Variants in TMEM132C observed in about 807,000 individuals in gnomAD.
TMEM132C encodes protein phosphatase 1, regulatory subunit 152.
Under a neutral mutation model 61.4 loss-of-function variants are expected in TMEM132C, and 29 were observed. The observed-to-expected ratio is 0.47, with a 90% CI of 0.35 to 0.64. The LOEUF (loss-of-function observed/expected upper bound fraction) is 0.64, where lower values mean the gene tolerates loss of function less well. TMEM132C is among the 30% of genes least tolerant of loss of function. TMEM132C has a pLI of 0.00. For synonymous variants in TMEM132C, 656 were observed against 633.1 expected, an observed-to-expected ratio of 1.04 and a Z score of -0.54; for missense variants, 1,408 against 1,476.9, an observed-to-expected ratio of 0.95 and a Z score of 0.76.
At chr12:128,484,390 A>C (rs549493788) in intron 2 of TMEM132C, among the ~76,000 whole-genome samples, 1 of 152,308 alleles carries the variant, frequency 6.6e-6, no homozygotes, top group Admixed American at 6.5e-5. Flanking sequence ...GGTGTCCAGC[A>C]GGCACTGTGG....
intron 2 of TMEM132C, among the ~76,000 whole-genome samples, chr12:128,513,413 G>T (rs1218931977): frequency 1.3e-5 from 2 of 152,190 alleles, no homozygotes; most frequent in East Asian, 1.9e-4. Context: ...CTCTAACACA[G>T]AAACCAGTCT....
intron 2 of TMEM132C, among the ~76,000 whole-genome samples, chr12:128,446,537 C>T (rs531192743): frequency 1.3e-5 from 2 of 152,344 alleles, no homozygotes; most frequent in East Asian, 3.9e-4. Flanking sequence ...TTCTCCATCT[C>T]AGTTCTTTAA....
In TMEM132C at chr12:128,622,343, CAAAAAAA is replaced by C. The variant is rs71069584; in HGVS notation, c.1305+6020_1305+6026del. On this transcript the variant is annotated intron_variant, in intron 4 of 8. Transcript: ENST00000435159. ...TGGGTGACAGAGTGAGACTTTGTCT[CAAAAAAA>C]AAAAAAAAAAATATATATATATATA... is the stretch of plus-strand genomic sequence containing the variant. Among the ~76,000 whole-genome samples, 7 of 16,104 alleles carry C rather than the reference CAAAAAAA, an allele frequency of 4.3e-4. No individual in the cohort carries two copies. The East Asian group carries it at 8.9e-3, about 20-fold the overall frequency. 10.6% of individuals were successfully genotyped at this position (16,104 alleles called of 152,430 possible).
At chr12:128,485,906 C>T (rs139143356) in intron 2 of TMEM132C, among the ~76,000 whole-genome samples, 1 of 152,108 alleles carries the variant, frequency 6.6e-6, no homozygotes, top group Non-Finnish European at 1.5e-5. Flanking sequence ...TCCACTTTTC[C>T]TTTTGCGGCA....
At chr12:128,353,470 A>C (rs1367872041) in intron 1 of TMEM132C, among the ~76,000 whole-genome samples, 10 of 152,212 alleles carry the variant, frequency 6.6e-5, no homozygotes, top group Admixed American at 6.5e-4. Context: ...ATGCAGTGGC[A>C]GCATTCACAA....
chr12:128,371,344 A>G (rs1169907156), intron 1 of TMEM132C, among the ~76,000 whole-genome samples: 1 of 152,188 alleles, frequency 6.6e-6, no homozygotes, highest in East Asian at 1.9e-4. Flanking sequence ...AGGAAGGCAT[A>G]TGACCCACGC....
chr12:128,393,296 C>A (rs73438609), intron 1 of TMEM132C, among the ~76,000 whole-genome samples: 4,858 of 152,270 alleles, frequency 0.032, 275 homozygotes, highest in African/African-American at 0.11. Flanking sequence ...TCTCTCCCCA[C>A]TTTCAGAATT....
intron 2 of TMEM132C, among the ~76,000 whole-genome samples, chr12:128,428,643 G>A (rs1169064987): frequency 1.3e-5 from 2 of 152,068 alleles, no homozygotes; most frequent in South Asian, 2.1e-4. Context: ...AGAGAAAATC[G>A]GGGTGCAGGT....
intron 4 of TMEM132C, among the ~76,000 whole-genome samples, chr12:128,653,510 T>C (rs914587290): frequency 4.6e-5 from 7 of 152,220 alleles, no homozygotes; most frequent in Admixed American, 1.3e-4. Flanking sequence ...GTGTCAGATA[T>C]TGTAGTGGGT....
intron 1 of TMEM132C, among the ~76,000 whole-genome samples, chr12:128,309,782 G>T (rs1278057760): frequency 6.6e-6 from 1 of 150,984 alleles, no homozygotes; most frequent in Non-Finnish European, 1.5e-5. Flanking sequence ...ACCCAGGCTG[G>T]AGTGCAGTGG....
At chr12:128,588,865 T>C (rs1182253787) in intron 3 of TMEM132C, among the ~76,000 whole-genome samples, 1 of 152,116 alleles carries the variant, frequency 6.6e-6, no homozygotes, top group Non-Finnish European at 1.5e-5. Flanking sequence ...GTCTGTGAGA[T>C]TTTATTATAG....
At chr12:128,498,854 T>C (rs1464139654) in intron 2 of TMEM132C, among the ~76,000 whole-genome samples, 1 of 151,734 alleles carries the variant, frequency 6.6e-6, no homozygotes, top group African/African-American at 2.4e-5. Context: ...AAAAAAAAAC[T>C]GTTGAAAGAA....
intron 2 of TMEM132C, among the ~76,000 whole-genome samples, chr12:128,452,125 ACT>A (rs1565940476): frequency 6.6e-6 from 1 of 151,944 alleles, no homozygotes; most frequent in Non-Finnish European, 1.5e-5. Flanking sequence ...GGTCTCTCTC[ACT>A]CTGTCACCCA....
chr12:128,407,667 G>T (rs1032462240), intron 1 of TMEM132C, among the ~76,000 whole-genome samples: 1 of 152,174 alleles, frequency 6.6e-6, no homozygotes, highest in Non-Finnish European at 1.5e-5. Context: ...ACTATCAGGT[G>T]TCCAAAAGAG....
intron 1 of TMEM132C, among the ~76,000 whole-genome samples, chr12:128,297,706 T>C (rs1287028274): frequency 1.3e-5 from 2 of 152,174 alleles, no homozygotes; most frequent in Non-Finnish European, 2.9e-5. Flanking sequence ...TTTTCCAGGA[T>C]TTGGTATCTC....
At chr12:128,575,927 A>G (rs1267741069) in intron 3 of TMEM132C, among the ~76,000 whole-genome samples, 1 of 152,154 alleles carries the variant, frequency 6.6e-6, no homozygotes. Context: ...TCTGCAGCTG[A>G]TATCTTGCAC....
At chr12:128,301,013 C>T (rs546813591) in intron 1 of TMEM132C, among the ~76,000 whole-genome samples, 1 of 152,250 alleles carries the variant, frequency 6.6e-6, no homozygotes, top group East Asian at 1.9e-4. Flanking sequence ...TGCATGCCAG[C>T]CCAGGTGACA....
chr12:128,421,465 CAA>C (rs985504234), intron 2 of TMEM132C, among the ~76,000 whole-genome samples: 4 of 152,210 alleles, frequency 2.6e-5, no homozygotes, highest in African/African-American at 9.6e-5. Context: ...CTGAGAAACC[CAA>C]AGACTTTCTC....
chr12:128,640,225 C>CA (rs1954147340), intron 4 of TMEM132C, among the ~76,000 whole-genome samples: 1 of 152,170 alleles, frequency 6.6e-6, no homozygotes, highest in Admixed American at 6.5e-5. Context: ...GGGAAGTACT[C>CA]AGAGATATAG....
Sources: gnomAD v4.1 joint callset for allele counts (sites outside exome capture counted in the v4.1 genomes callset) on GRCh38, gnomAD v4.1.1 for gene constraint, MANE v1.5 for transcripts, NCBI Gene and HGNC (gene_info 2026-07-23, HGNC 2026-07-21) for gene names.